The following CENPO variants were observed in gnomAD, a reference collection of about 807,000 sequenced individuals.
CENPO encodes the protein centromeric protein O.
In CENPO, 30 loss-of-function variants were observed where a neutral mutation model predicts 36.1. The ratio of observed to expected loss-of-function variants is 0.83; its 90% CI spans 0.62 to 1.13. The LOEUF (loss-of-function observed/expected upper bound fraction) is 1.13, where lower values mean the gene tolerates loss of function less well. Ranked by LOEUF, CENPO falls within the 50% of genes most tolerant of loss-of-function variation. The probability of loss-of-function intolerance (pLI) is 0.00; values close to 1 mark genes in which losing one functional copy is unlikely to be tolerated. For synonymous variants in CENPO, 171 were observed against 142.3 expected (o/e 1.20, Z -1.44); for missense variants, 349 against 357.8 (o/e 0.98, Z 0.20).
At chr2:24,794,116 A>C (rs1204919930) in intron 2 of CENPO, 151 bp downstream of exon 2, 7 of 697,962 alleles carry the variant, frequency 1.0e-5, no homozygotes, top group Non-Finnish European at 1.8e-5. Flanking sequence ...AGGGACAGGC[A>C]GCCAAGATTA....
intron 7 of CENPO, 122 bp downstream of exon 7, chr2:24,817,963 T>C: frequency 1.4e-6 from 1 of 697,800 alleles, no homozygotes; most frequent in Non-Finnish European, 2.3e-6. Context: ...GGTTTGAGTA[T>C]AGACACTGGC....
intron 3 of CENPO, among the ~76,000 whole-genome samples, chr2:24,809,278 T>A (rs1666570341): frequency 6.6e-6 from 1 of 152,304 alleles, no homozygotes; most frequent in East Asian, 1.9e-4. Flanking sequence ...TTTTGTGCCT[T>A]TTTTCAAAGA....
Position 24,822,311 on chromosome 2 carries a change from G to T in CENPO, c.*2993G>T. The stretch of plus-strand genomic sequence containing the variant: ...TAGGCCTGAGCTGTGAACAGCAGGG[G>T]GTTGTGTGTCTGTTCTGTTTCTCTG... On this transcript the variant is annotated 3_prime_UTR_variant, in exon 8 of 8. Coordinates refer to ENST00000380834, the MANE Select transcript of CENPO (RefSeq NM_001322101.2). 1.5e-6 allele frequency: 1 copy of T among 675,112 alleles called. No homozygotes were observed. Among genetic ancestry groups the T allele is most frequent in the Non-Finnish European group, 2.4e-6 (1 of 414,424 alleles). 41.8% of individuals were successfully genotyped at this position (675,112 alleles called of 1,614,324 possible).
intron 3 of CENPO, among the ~76,000 whole-genome samples, chr2:24,811,319 T>C (rs6728436): frequency 0.035 from 4,776 of 136,596 alleles, 241 homozygotes; most frequent in African/African-American, 0.12. Flanking sequence ...CCTCGCTCTG[T>C]CACCCAGGCT....
intron 2 of CENPO, among the ~76,000 whole-genome samples, chr2:24,794,193 T>G (rs1380507402): frequency 6.6e-6 from 1 of 152,224 alleles, no homozygotes; most frequent in Non-Finnish European, 1.5e-5. Flanking sequence ...GTTGCATCCA[T>G]CATATGCTCA....
chr2:24,805,674 G>A lies in CENPO; in HGVS notation c.216+5830G>A, dbSNP rs201636623. On this transcript the variant is annotated intron_variant, in intron 3 of 7. Coordinates refer to ENST00000380834, the MANE Select transcript of CENPO (RefSeq NM_001322101.2). ...GAACAGCAAATGCTGCTGCCTGATC[G>A]TTCCTCTGGAAGTTTTGTCTCAGAG... is the stretch of plus-strand genomic sequence containing the variant. 4.5e-4 allele frequency among the ~76,000 whole-genome samples: 69 copies of A among 152,302 alleles called. 1 individual carries two copies. In the East Asian group the frequency reaches 6.2e-3, roughly 14 times the overall value.
chr2:24,798,749 C>T (rs919461125), intron 2 of CENPO, among the ~76,000 whole-genome samples: 3 of 152,006 alleles, frequency 2.0e-5, no homozygotes, highest in South Asian at 2.1e-4. Flanking sequence ...CGTGAGCCAC[C>T]GTACCCGGCC....
chr2:24,821,785 GC>G lies in CENPO; in HGVS notation c.*2469del. ...CTTTTCCTCCCACAAAGGAGTCGCA[GC>G]CACGCTAGCTCTGACTTGCCACTGT... On this transcript the variant is annotated 3_prime_UTR_variant, in exon 8 of 8. Coordinates refer to ENST00000380834, the MANE Select transcript of CENPO (RefSeq NM_001322101.2). 2 of 1,223,496 alleles carry G rather than the reference GC, an allele frequency of 1.6e-6. No individual in the cohort carries two copies. Among genetic ancestry groups the G allele is most frequent in the Non-Finnish European group, 2.3e-6 (2 of 887,730 alleles). 75.8% of individuals were successfully genotyped at this position (1,223,496 alleles called of 1,614,324 possible). A position where few individuals can be genotyped will look rare whatever the true frequency, so the allele number is the denominator to read the frequency against.
In CENPO at chr2:24,821,719, T is replaced by A; in HGVS notation, c.*2401T>A. ...GCTCTGCTGCCTTCCCTGGCAGTGT[T>A]CTGGGGGTGGATTCCCTACACCTAG... On this transcript the variant is annotated 3_prime_UTR_variant, in exon 8 of 8. Coordinates refer to ENST00000380834, the MANE Select transcript of CENPO (RefSeq NM_001322101.2). 6.4e-7 allele frequency: 1 copy of A among 1,563,580 alleles called. No homozygotes were observed. Among genetic ancestry groups the A allele is most frequent in the East Asian group, 2.3e-5 (1 of 44,218 alleles).
At chr2:24,793,797 C>G in intron 1 of CENPO, 55 bp from the exon 2 acceptor site, 1 of 1,340,756 alleles carries the variant, frequency 7.5e-7, no homozygotes, top group Non-Finnish European at 1.1e-6. Flanking sequence ...GCCCTGCCGT[C>G]TGGGTTTGAA....
Position 24,821,155 on chromosome 2 carries a change from G to T in CENPO, c.*1837G>T. ...ACTCAGGAATGATACCCCCTCAGTA[G>T]AAGCAGCAGGTGATCTTAACTCCTT... On this transcript the variant is annotated 3_prime_UTR_variant, in exon 8 of 8. Coordinates refer to ENST00000380834, the MANE Select transcript of CENPO (RefSeq NM_001322101.2). The T allele has an allele frequency of 2.3e-6, 1 of 434,314 alleles. No homozygotes were observed. The allele number at this position is 434,314 out of a possible 1,614,324, so 26.9% of individuals were successfully genotyped here.
At chr2:24,815,356 A>G (rs928805515) in intron 4 of CENPO, 141 bp from the exon 5 acceptor site, 1 of 668,540 alleles carries the variant, frequency 1.5e-6, no homozygotes, top group Non-Finnish European at 2.7e-6. Context: ...AAGGGGAAGA[A>G]TGAGCCTATG....
Position 24,820,143 on chromosome 2 carries a change from G to T in CENPO, c.*825G>T. On this transcript the variant is annotated 3_prime_UTR_variant, in exon 8 of 8. Coordinates refer to ENST00000380834, the MANE Select transcript of CENPO (RefSeq NM_001322101.2). ...GAGAGGGAGGGGGAGCAAGAACGTG[G>T]CGTTACGGGGGGAGCCTAGACTGAG... is the stretch of plus-strand genomic sequence containing the variant. 1 of 1,519,184 alleles carries T rather than the reference G, an allele frequency of 6.6e-7. No individual in the cohort carries two copies. The highest frequency in any genetic ancestry group is 1.3e-5 in the South Asian group (1 of 76,720). 94.1% of individuals were successfully genotyped at this position (1,519,184 alleles called of 1,614,324 possible).
intron 2 of CENPO, among the ~76,000 whole-genome samples, chr2:24,795,202 C>T (rs1665839183): frequency 6.6e-6 from 1 of 152,144 alleles, no homozygotes; most frequent in Non-Finnish European, 1.5e-5. Flanking sequence ...TTAGACCAGT[C>T]TCCTTATTCT....
intron 3 of CENPO, among the ~76,000 whole-genome samples, chr2:24,807,818 T>A (rs944227604): frequency 6.6e-6 from 1 of 152,250 alleles, no homozygotes; most frequent in Non-Finnish European, 1.5e-5. Context: ...TAAAAATTTG[T>A]CATTCTGGTG....
At chr2:24,808,654 T>C (rs767148504) in intron 3 of CENPO, among the ~76,000 whole-genome samples, 6 of 152,222 alleles carry the variant, frequency 3.9e-5, no homozygotes, top group Admixed American at 6.5e-5. Context: ...GTGGTATATA[T>C]TGATTGCTGT....
In CENPO at chr2:24,821,021, C is replaced by T. The variant is rs1391033541; in HGVS notation, c.*1703C>T. On this transcript the variant is annotated 3_prime_UTR_variant, in exon 8 of 8. Coordinates refer to ENST00000380834, the MANE Select transcript of CENPO (RefSeq NM_001322101.2). ...GTGGAAATCACATCTCCTGTTTATC[C>T]GTGTGCTTGTTAGGTGTCAGCCGCC... 4 of 937,582 alleles carry T rather than the reference C, an allele frequency of 4.3e-6. No homozygotes were observed. The highest frequency in any genetic ancestry group is 2.8e-5 in the East Asian group (1 of 35,660). 58.1% of individuals were successfully genotyped at this position (937,582 alleles called of 1,614,324 possible). A position where few individuals can be genotyped will look rare whatever the true frequency, so the allele number is the denominator to read the frequency against.
At position 24,817,734 on chromosome 2, in the gene CENPO, G is replaced by A. The variant is rs140471457; in HGVS notation, c.831G>A (p.Thr277=). Residue 277 remains threonine, a synonymous_variant, in exon 7 of 8, where the codon ACG becomes ACA. Transcript: ENST00000380834. ...QRASHETLFC[T]KPLHQVFASF... Reference sequence around the variant, plus strand: ...CATCTCATGAAACTCTGTTCTGTACGAAGCCCTTGCATCAAGTGTTTGCCT... The same window carrying A: ...CATCTCATGAAACTCTGTTCTGTACAAAGCCCTTGCATCAAGTGTTTGCCT... The A allele has an allele frequency of 2.9e-5, 47 of 1,614,074 alleles. No homozygotes were observed. The African/African-American group carries it at 5.3e-4, about 18-fold the overall frequency.
chr2:24,806,016 G>A (rs918025935), intron 3 of CENPO, among the ~76,000 whole-genome samples: 13 of 152,152 alleles, frequency 8.5e-5, no homozygotes, highest in African/African-American at 2.9e-4. Context: ...TCCAAGCCTC[G>A]GCAAGGGCGG....
Sources: allele counts gnomAD v4.1 joint callset (sites outside exome capture counted in the v4.1 genomes callset), GRCh38; gene constraint gnomAD v4.1.1; transcripts MANE v1.5; gene names NCBI Gene and HGNC (gene_info 2026-07-23, HGNC 2026-07-21).